The following LTBP1 variants were observed in gnomAD, a reference collection of about 807,000 sequenced individuals.
LTBP1 encodes the protein latent transforming growth factor beta binding protein 1, also known as latent-transforming growth factor beta-binding protein 1.
Under a neutral mutation model 207.6 loss-of-function variants are expected in LTBP1, and 129 were observed. The ratio of observed to expected loss-of-function variants is 0.62; its 90% CI spans 0.54 to 0.72. The LOEUF is 0.72. Among genes scored for constraint, LTBP1 ranks in the 30% least tolerant of loss-of-function variants. LTBP1 has a pLI of 0.00. For synonymous variants in LTBP1, 963 were observed against 833.7 expected (o/e 1.16, Z -2.67); for missense variants, 2,281 against 2,217.2 (o/e 1.03, Z -0.58).
At chr2:33,315,324 G>A in intron 24 of LTBP1, 55 bp downstream of exon 24, 1 of 1,600,016 alleles carries the variant, frequency 6.2e-7, no homozygotes. Context: ...AGAGGAGATT[G>A]CTTTCACTTA....
intron 24 of LTBP1, among the ~76,000 whole-genome samples, chr2:33,339,669 G>A (rs2094593486): frequency 6.6e-6 from 1 of 151,496 alleles, no homozygotes; most frequent in African/African-American, 2.4e-5. Flanking sequence ...TTTTGAGACG[G>A]AGTTTCGCTC....
At chr2:33,253,816 T>A (rs1008717884) in intron 11 of LTBP1, among the ~76,000 whole-genome samples, 1 of 151,716 alleles carries the variant, frequency 6.6e-6, no homozygotes, top group African/African-American at 2.4e-5. Flanking sequence ...GTAGACTAGA[T>A]AATTTTAGGC....
intron 3 of LTBP1, chr2:33,061,324 T>C (rs1248670906): frequency 6.6e-6 from 1 of 152,182 alleles, no homozygotes; most frequent in East Asian, 1.9e-4. Context: ...TATTTGCTTA[T>C]AGTGTTATTT....
intron 3 of LTBP1, among the ~76,000 whole-genome samples, chr2:33,038,735 G>A (rs993019790): frequency 1.3e-5 from 2 of 152,198 alleles, no homozygotes; most frequent in African/African-American, 4.8e-5. Flanking sequence ...GTGCTGCAAG[G>A]AACCCATAGC....
At chr2:33,266,764 G>A (rs567178688) in intron 15 of LTBP1, among the ~76,000 whole-genome samples, 16 of 152,244 alleles carry the variant, frequency 1.1e-4, no homozygotes, top group East Asian at 3.9e-4. Context: ...GAGCTGTCAC[G>A]TCACTCAGTG....
At chr2:32,991,728 G>A (rs984038334) in intron 2 of LTBP1, among the ~76,000 whole-genome samples, 1 of 152,126 alleles carries the variant, frequency 6.6e-6, no homozygotes, top group African/African-American at 2.4e-5. Context: ...AATGACCTAG[G>A]AAGTCAGTCA....
intron 26 of LTBP1, among the ~76,000 whole-genome samples, chr2:33,353,958 C>T (rs1220134422): frequency 6.6e-6 from 1 of 151,374 alleles, no homozygotes; most frequent in African/African-American, 2.4e-5. Flanking sequence ...CTCCCAGGTT[C>T]ACACCATTCT....
chr2:33,197,215 G>A (rs941250409), intron 7 of LTBP1, among the ~76,000 whole-genome samples: 17 of 152,202 alleles, frequency 1.1e-4, no homozygotes, highest in African/African-American at 4.1e-4. Context: ...GAACTATATA[G>A]GGTGACAGAC....
intron 9 of LTBP1, among the ~76,000 whole-genome samples, chr2:33,240,642 ATTC>A (rs1558869467): frequency 1.5e-5 from 2 of 134,978 alleles, no homozygotes; most frequent in Non-Finnish European, 3.1e-5. Flanking sequence ...TGATGGAAAC[ATTC>A]TTTTTTTTTT....
intron 18 of LTBP1, 77 bp from the exon 19 acceptor site, chr2:33,279,962 G>C (rs192281100): frequency 1.3e-6 from 2 of 1,509,046 alleles, no homozygotes; most frequent in Non-Finnish European, 1.8e-6. Flanking sequence ...GCTTTCCCCC[G>C]CTGCCTTCAT....
intron 5 of LTBP1, among the ~76,000 whole-genome samples, chr2:33,138,922 G>A (rs557072151): frequency 2.2e-4 from 29 of 131,224 alleles, no homozygotes; most frequent in South Asian, 1.0e-3. Context: ...GCAGTGGCGC[G>A]ATCTCGGCTC....
intron 7 of LTBP1, among the ~76,000 whole-genome samples, chr2:33,216,791 G>A (rs545879405): frequency 6.6e-6 from 1 of 152,286 alleles, no homozygotes; most frequent in East Asian, 1.9e-4. Flanking sequence ...ACCCCATTGA[G>A]GTGGTCTAAC....
At chr2:33,107,604 C>T (rs967683830) in intron 3 of LTBP1, among the ~76,000 whole-genome samples, 1 of 152,052 alleles carries the variant, frequency 6.6e-6, no homozygotes, top group Non-Finnish European at 1.5e-5. Flanking sequence ...GCACTTTGGG[C>T]ATTGGGATAG....
chr2:33,042,897 T>C (rs1040396646), intron 3 of LTBP1, among the ~76,000 whole-genome samples: 4 of 152,046 alleles, frequency 2.6e-5, no homozygotes, highest in African/African-American at 9.7e-5. Flanking sequence ...AAACACTCCC[T>C]GCCTCCTGTC....
chr2:33,222,015 A>G (rs1316736932), intron 8 of LTBP1, 65 bp from the exon 9 acceptor site: 3 of 1,161,324 alleles, frequency 2.6e-6, no homozygotes, highest in Non-Finnish European at 3.9e-6. Flanking sequence ...GGCTTCAGAT[A>G]TCACTTACAC....
intron 24 of LTBP1, among the ~76,000 whole-genome samples, chr2:33,316,292 G>T (rs367883672): frequency 6.6e-6 from 1 of 152,070 alleles, no homozygotes; most frequent in East Asian, 1.9e-4. Flanking sequence ...ATATTTTAAA[G>T]AAGTAAATTG....
chr2:33,181,064 T>A (rs561245597), intron 5 of LTBP1, among the ~76,000 whole-genome samples: 6 of 152,282 alleles, frequency 3.9e-5, no homozygotes, highest in Admixed American at 3.3e-4. Flanking sequence ...CTGCTCTGCC[T>A]TTGCCACGAT....
chr2:33,182,478 C>T (rs1376720740), intron 5 of LTBP1, among the ~76,000 whole-genome samples: 2 of 151,308 alleles, frequency 1.3e-5, no homozygotes, highest in Admixed American at 6.6e-5. Context: ...CTGGCTAACA[C>T]GGTGAAACCC....
In LTBP1 at chr2:33,157,415, A is replaced by G. The variant is rs150088828; in HGVS notation, c.1201+22455A>G. Among the ~76,000 whole-genome samples the G allele has an allele frequency of 1.6e-3, 248 of 152,346 alleles. 1 individual carries two copies. The highest frequency in any genetic ancestry group is 5.7e-3 in the African/African-American group (239 of 41,594). On this transcript the variant is annotated intron_variant, in intron 5 of 33. Transcript: ENST00000404816. The stretch of plus-strand genomic sequence containing the variant: ...CAGGAGGAGTAAGCATTTTGTAGAA[A>G]TCAGTAGGGAACTGTTTTGAGAAGT...
Sources: allele counts gnomAD v4.1 joint callset (sites outside exome capture counted in the v4.1 genomes callset), GRCh38; gene constraint gnomAD v4.1.1; transcripts MANE v1.5; gene names NCBI Gene and HGNC (gene_info 2026-07-23, HGNC 2026-07-21).